Variants in SLC2A2 observed in about 807,000 individuals in gnomAD.
SLC2A2 encodes solute carrier family 2, facilitated glucose transporter member 2.
Under a neutral mutation model 54.5 loss-of-function variants are expected in SLC2A2, and 36 were observed. The observed-to-expected ratio is 0.66, with a 90% CI of 0.51 to 0.87. SLC2A2 has a LOEUF of 0.87. Among genes scored for constraint, SLC2A2 ranks in the 40% least tolerant of loss-of-function variants. The pLI, the probability that SLC2A2 is intolerant of heterozygous loss-of-function variation, is 0.00. For synonymous variants in SLC2A2, 223 were observed against 219.1 expected (o/e 1.02, Z -0.16); for missense variants, 543 against 624.3 (o/e 0.87, Z 1.39).
At position 170,998,342 on chromosome 3, in the gene SLC2A2, T is replaced by A. The variant is rs140791627; in HGVS notation, c.1225A>T (p.Ser409Cys). The change falls in exon 10 of 11, where the codon AGC (serine) becomes TGC (cysteine). Residue 409 changes from serine to cysteine, a missense_variant. Physicochemically the swap from Ser to Cys is moderately radical, Grantham distance 112. This residue lies in a region of SLC2A2 where 117 missense variants were observed against 179.2 expected (regional missense o/e 0.65). Transcript: ENST00000314251. ...GGGCCTGGCCCAATTTCAAAGAAGC[T>A]GACAAAGAGGAAGATGGCTATCATG... ...VSMIAIFLFV[S>C]FFEIGPGPIP... The A allele has an allele frequency of 1.9e-6, 3 of 1,613,552 alleles. No individual in the cohort carries two copies. In the African/African-American group the frequency reaches 4.0e-5, roughly 22 times the overall value.
At chr3:171,000,227 ATATT>A in intron 8 of SLC2A2, among the ~76,000 whole-genome samples, 1 of 152,258 alleles carries the variant, frequency 6.6e-6, no homozygotes, top group South Asian at 2.1e-4. Flanking sequence ...CTAAGAGCAC[ATATT>A]TAATTATTGA....
intron 8 of SLC2A2, 28 bp from the exon 9 acceptor site, chr3:170,999,194 A>G: frequency 7.1e-7 from 1 of 1,412,668 alleles, no homozygotes; most frequent in South Asian, 1.1e-5. Context: ...AAATTATCTC[A>G]GTTTTGTGAG....
At position 170,997,972 on chromosome 3, in the gene SLC2A2, C is replaced by G. The variant is rs5399; in HGVS notation, c.1506G>C (p.Lys502Asn). Residue 502 changes from lysine (K) to asparagine (N), a missense_variant, in exon 11 of 11, where the codon AAG (lysine) becomes AAC (asparagine). Lys to Asn is a moderately conservative substitution (Grantham distance 94). Around this residue, in one of 3 missense-constraint regions of SLC2A2, gnomAD observed 108 missense variants for 101.3 expected, o/e 1.07. Coordinates refer to ENST00000314251, the MANE Select transcript of SLC2A2 (RefSeq NM_000340.2). ...FEEIAAEFQK[K>N]SGSAHRPKAA... ...CTTTTGGCCTGTGGGCTGAGCCACT[C>G]TTCTTTTGGAATTCTGCAGCAATTT... 3.7e-6 allele frequency: 6 copies of G among 1,613,546 alleles called. No individual in the cohort carries two copies. Among genetic ancestry groups the G allele is most frequent in the Non-Finnish European group, 5.1e-6 (6 of 1,179,782 alleles).
intron 7 of SLC2A2, among the ~76,000 whole-genome samples, chr3:171,002,968 T>C (rs544463777): frequency 2.6e-5 from 4 of 152,164 alleles, no homozygotes; most frequent in South Asian, 2.1e-4. Flanking sequence ...ATAATATACA[T>C]AGAAAAGTAC....
Position 171,006,036 on chromosome 3 carries a change from G to T in SLC2A2, c.682C>A (p.Arg228=), listed in dbSNP as rs773581866. ...AGTAGCAGAGACTGAAGGATGGCTC[G>T]CACACCAGACAGGCCAAGCAGGATG... ...WHILLGLSGV[R]AILQSLLLFF... Residue 228 remains arginine (R), a synonymous_variant, in exon 6 of 11, where the codon CGA becomes AGA. Coordinates refer to ENST00000314251, the MANE Select transcript of SLC2A2 (RefSeq NM_000340.2). The T allele has an allele frequency of 6.2e-7, 1 of 1,612,290 alleles. No individual in the cohort carries two copies. The highest frequency in any genetic ancestry group is 8.5e-7 in the Non-Finnish European group (1 of 1,178,934).
intron 3 of SLC2A2, among the ~76,000 whole-genome samples, chr3:171,010,306 C>T (rs1292873175): frequency 6.6e-6 from 1 of 151,996 alleles, no homozygotes; most frequent in East Asian, 1.9e-4. Flanking sequence ...AGGTTGCATC[C>T]ACCTGATCTC....
chr3:171,003,465 G>A (rs1715440272), intron 7 of SLC2A2, among the ~76,000 whole-genome samples: 2 of 151,724 alleles, frequency 1.3e-5, no homozygotes, highest in South Asian at 2.1e-4. Context: ...GGAGGCGGGT[G>A]TAATTATTCT....
At chr3:171,010,269 T>C (rs1715822907) in intron 3 of SLC2A2, among the ~76,000 whole-genome samples, 187 bp from the exon 4 acceptor site, 1 of 152,120 alleles carries the variant, frequency 6.6e-6, no homozygotes, top group Admixed American at 6.6e-5. Context: ...GTATTACTAA[T>C]AAGCAAGACT....
At chr3:171,021,911 A>G (rs1166794732) in intron 1 of SLC2A2, among the ~76,000 whole-genome samples, 5 of 152,318 alleles carry the variant, frequency 3.3e-5, no homozygotes, top group South Asian at 2.1e-4. Context: ...TCTCTCTGGC[A>G]CTGACAAGTA....
At position 170,997,988 on chromosome 3, in the gene SLC2A2, G is replaced by A. The variant is rs200160167; in HGVS notation, c.1490C>T (p.Ala497Val). 41 of 1,613,460 alleles carry A rather than the reference G, an allele frequency of 2.5e-5. No homozygotes were observed. Among genetic ancestry groups the A allele is most frequent in the Non-Finnish European group, 3.3e-5 (39 of 1,179,748 alleles). The part of the protein sequence containing the change: ...TKGKSFEEIA[A>V]EFQKKSGSAH... The stretch of plus-strand genomic sequence containing the variant: ...TGAGCCACTCTTCTTTTGGAATTCT[G>A]CAGCAATTTCCTCAAAAGACTTTCC... Residue 497 changes from alanine (A) to valine (V), a missense_variant, in exon 11 of 11, where the codon GCA (alanine) becomes GTA (valine). Physicochemically the swap from Ala to Val is moderately conservative, Grantham distance 64 (BLOSUM62 0). This residue lies in a region of SLC2A2 where 108 missense variants were observed against 101.3 expected (regional missense o/e 1.07). Coordinates refer to ENST00000314251, the MANE Select transcript of SLC2A2 (RefSeq NM_000340.2).
intron 1 of SLC2A2, among the ~76,000 whole-genome samples, chr3:171,019,187 G>C (rs903742223): frequency 1.4e-5 from 2 of 145,824 alleles, no homozygotes; most frequent in African/African-American, 5.0e-5. Flanking sequence ...TCAGGACTGA[G>C]AACTAGAATA....
At chr3:171,002,115 G>A (rs186643556) in intron 8 of SLC2A2, among the ~76,000 whole-genome samples, 19 of 151,840 alleles carry the variant, frequency 1.3e-4, no homozygotes, top group African/African-American at 4.6e-4. Flanking sequence ...GTTAGAGAGG[G>A]CCTTGTTTAT....
At chr3:171,002,134 A>G (rs971829430) in intron 8 of SLC2A2, among the ~76,000 whole-genome samples, 4 of 151,870 alleles carry the variant, frequency 2.6e-5, no homozygotes, top group African/African-American at 4.8e-5. Flanking sequence ...ATTTATTTTT[A>G]TATGTTTCCC....
In SLC2A2 at chr3:171,018,456, C is replaced by T. The variant is rs1716257902; in HGVS notation, c.108+75G>A. 24 of 1,037,732 alleles carry T rather than the reference C, an allele frequency of 2.3e-5. No individual in the cohort carries two copies. In the South Asian group the frequency reaches 3.0e-4, roughly 13 times the overall value. The allele number at this position is 1,037,732 out of a possible 1,614,324, so 64.3% of individuals were successfully genotyped here. ...TCTCCCACGTGGACACCCTTTATCT[C>T]TGTGTATGAGGAACATATGATATCT... On this transcript the variant is annotated intron_variant, in intron 2 of 10. Transcript: ENST00000314251.
intron 2 of SLC2A2, 40 bp downstream of exon 2, chr3:171,018,491 A>C (rs1436800411): frequency 7.3e-7 from 1 of 1,366,448 alleles, no homozygotes; most frequent in Non-Finnish European, 1.0e-6. Context: ...TATCACTGAC[A>C]GAACTTGCCA....
chr3:170,998,460 A>G, intron 9 of SLC2A2, 64 bp from the exon 10 acceptor site: 1 of 1,341,698 alleles, frequency 7.5e-7, no homozygotes, highest in Middle Eastern at 1.8e-4. Context: ...CCTTTAGCTA[A>G]GTAGCCTCTG....
At chr3:171,020,667 G>A (rs1716416771) in intron 1 of SLC2A2, among the ~76,000 whole-genome samples, 1 of 152,030 alleles carries the variant, frequency 6.6e-6, no homozygotes. Flanking sequence ...CAGATGGCTT[G>A]AGCCTAAGAG....
chr3:171,006,101 A>G lies in SLC2A2; in HGVS notation c.617T>C (p.Ile206Thr), dbSNP rs1262860274. The change falls in exon 6 of 11, where the codon ATT becomes ACT. Residue 206 changes from isoleucine (I) to threonine (T), a missense_variant. Ile to Thr is a moderately conservative substitution (Grantham distance 89). Transcript: ENST00000314251. ...IVTGILISQI[I>T]GLEFILGNYD... ...ATTGCCCAAGATAAATTCAAGACCA[A>G]TAATCTGAAAATGCAAGGAGGAAGT... 1.2e-6 allele frequency: 2 copies of G among 1,611,870 alleles called. No individual in the cohort carries two copies. The highest frequency in any genetic ancestry group is 1.7e-6 in the Non-Finnish European group (2 of 1,178,550).
chr3:171,010,844 C>G (rs1221195157), intron 3 of SLC2A2, among the ~76,000 whole-genome samples: 3 of 152,104 alleles, frequency 2.0e-5, no homozygotes, highest in African/African-American at 7.2e-5. Flanking sequence ...CAAAATTAAT[C>G]AGATGAAAAT....
Sources: allele counts gnomAD v4.1 joint callset (sites outside exome capture counted in the v4.1 genomes callset), GRCh38; gene constraint gnomAD v4.1.1; regional missense constraint gnomAD v4.1.1; transcripts MANE v1.5; gene names NCBI Gene and HGNC (gene_info 2026-07-23, HGNC 2026-07-21).